Variants in TENM1 observed in about 807,000 individuals in gnomAD.
TENM1 encodes teneurin-1.
In TENM1, 35 loss-of-function variants were observed where a neutral mutation model predicts 174.8. The ratio of observed to expected loss-of-function variants is 0.20; its 90% confidence interval spans 0.15 to 0.27. The LOEUF (loss-of-function observed/expected upper bound fraction) is 0.27, where lower values mean the gene tolerates loss of function less well. TENM1 is among the 10% of genes least tolerant of loss of function. The probability of loss-of-function intolerance (pLI) is 1.00; values close to 1 mark genes in which losing one functional copy is unlikely to be tolerated. For missense variants in TENM1, 1,633 were observed against 2,130.1 expected (o/e 0.77, Z 4.59); for synonymous variants, 781 against 798.7 (o/e 0.98, Z 0.37).
intron 22 of TENM1, among the ~76,000 whole-genome samples, chrX:124,460,351 G>A (rs1238830553): frequency 8.9e-6 from 1 of 111,786 alleles, no homozygotes; most frequent in Non-Finnish European, 1.9e-5. Context: ...CTGATAGACT[G>A]TATAAAGAAA....
intron 11 of TENM1, among the ~76,000 whole-genome samples, chrX:124,597,560 T>C (rs998649097): frequency 2.7e-5 from 3 of 110,517 alleles, no homozygotes; most frequent in African/African-American, 6.6e-5. Flanking sequence ...AGATGGGTGA[T>C]AAAAGACTAC....
At chrX:125,072,090 G>A in the TENM1 span, among the ~76,000 whole-genome samples, 1 of 110,320 alleles carries the variant, frequency 9.1e-6, no homozygotes, top group Non-Finnish European at 1.9e-5. Flanking sequence ...CTAAAATATC[G>A]GGTTTCCTTT....
At chrX:124,594,277 T>C (rs1183092564) in intron 11 of TENM1, among the ~76,000 whole-genome samples, 2 of 111,658 alleles carry the variant, frequency 1.8e-5, no homozygotes, top group Non-Finnish European at 3.8e-5. Context: ...TTCACCTCCC[T>C]GGGATCTGGA....
chrX:124,588,740 T>C (rs987630035), intron 11 of TENM1, among the ~76,000 whole-genome samples: 2 of 112,003 alleles, frequency 1.8e-5, no homozygotes, highest in Non-Finnish European at 3.8e-5. Flanking sequence ...TTTTTGTACA[T>C]TGATCTGTGT....
chrX:124,955,961 G>A (rs182546486), intron 1 of TENM1, among the ~76,000 whole-genome samples: 2 of 111,386 alleles, frequency 1.8e-5, no homozygotes, highest in East Asian at 2.8e-4. Context: ...GTAATATTGG[G>A]CAAGTTACTT....
At chrX:124,956,307 A>G (rs1307096691) in intron 1 of TENM1, among the ~76,000 whole-genome samples, 1 of 112,331 alleles carries the variant, frequency 8.9e-6, no homozygotes, top group Non-Finnish European at 1.9e-5. Flanking sequence ...TCACCTATAA[A>G]CTTCATAGTT....
chrX:124,675,295 A>T, intron 5 of TENM1, among the ~76,000 whole-genome samples: 1 of 111,677 alleles, frequency 9.0e-6, no homozygotes, highest in African/African-American at 3.2e-5. Flanking sequence ...GTACTGGCCA[A>T]CCAAAATGGC....
intron 16 of TENM1, among the ~76,000 whole-genome samples, chrX:124,523,873 A>ATTT (rs745816520): frequency 3.3e-5 from 3 of 90,510 alleles, no homozygotes; most frequent in Non-Finnish European, 4.4e-5. Flanking sequence ...TTGTAAACCA[A>ATTT]TTTTTTTTTT....
chrX:124,449,879 T>C (rs954156889), intron 23 of TENM1, among the ~76,000 whole-genome samples: 1 of 110,889 alleles, frequency 9.0e-6, no homozygotes, highest in Non-Finnish European at 1.9e-5. Flanking sequence ...AACAGGCCAG[T>C]GTTTTATAGA....
chrX:124,734,578 T>C (rs932056414), intron 4 of TENM1, among the ~76,000 whole-genome samples: 1 of 112,281 alleles, frequency 8.9e-6, no homozygotes, highest in Admixed American at 9.4e-5. Flanking sequence ...GTAGCAGAAA[T>C]CACCCTTTAT....
chrX:124,886,730 T>C (rs1368589853), intron 3 of TENM1, among the ~76,000 whole-genome samples: 2 of 84,236 alleles, frequency 2.4e-5, no homozygotes, highest in African/African-American at 1.1e-4. Context: ...TAGTGAAGGT[T>C]TTTTTTTTTT....
the TENM1 span, among the ~76,000 whole-genome samples, chrX:124,986,574 T>C: frequency 9.2e-4 from 103 of 112,377 alleles, no homozygotes; most frequent in Non-Finnish European, 1.2e-3. Context: ...ATGACTTTTC[T>C]ATGGAACAAG....
At chrX:124,929,593 G>A (rs1417326377) in intron 1 of TENM1, among the ~76,000 whole-genome samples, 2 of 111,855 alleles carry the variant, frequency 1.8e-5, no homozygotes. Context: ...CATATTACCT[G>A]GTGCTCCCAG....
At chrX:124,483,911 A>G (rs934704035) in intron 21 of TENM1, among the ~76,000 whole-genome samples, 8 of 111,923 alleles carry the variant, frequency 7.1e-5, no homozygotes, top group Non-Finnish European at 1.3e-4. Context: ...TATTAGCATT[A>G]TTTTTAAAAC....
At chrX:124,510,775 T>TACACACACACACACACACAC (rs755205162) in intron 18 of TENM1, among the ~76,000 whole-genome samples, 4,701 of 103,507 alleles carry the variant, frequency 0.045, 114 homozygotes, top group Middle Eastern at 0.078. Flanking sequence ...CATGGGGAGA[T>TACACACACACACACACACAC]ACACACACAC....
At chrX:124,781,559 A>AT (rs1275145262) in intron 3 of TENM1, among the ~76,000 whole-genome samples, 3 of 111,249 alleles carry the variant, frequency 2.7e-5, no homozygotes, top group East Asian at 2.8e-4. Flanking sequence ...GTAAGCAATC[A>AT]TTTTTTTTGG....
chrX:124,788,991 T>C (rs2055111762), intron 3 of TENM1, among the ~76,000 whole-genome samples: 1 of 112,237 alleles, frequency 8.9e-6, no homozygotes, highest in Admixed American at 9.4e-5. Context: ...TGAGGGCCTC[T>C]CCCCTATAGC....
At chrX:124,422,345 C>T in exon 24 of TENM1, 1 of 1,207,230 alleles carries the variant, frequency 8.3e-7, no homozygotes, top group African/African-American at 1.8e-5. Flanking sequence ...TGTAGATCTC[C>T]CCATTGGTGG....
intron 3 of TENM1, among the ~76,000 whole-genome samples, chrX:124,806,317 T>C (rs912186077): frequency 1.8e-5 from 2 of 112,022 alleles, no homozygotes; most frequent in African/African-American, 6.5e-5. Flanking sequence ...ATGGGATTTA[T>C]GGAACAGCAT....
Sources: allele counts gnomAD v4.1 joint callset (sites outside exome capture counted in the v4.1 genomes callset), GRCh38; gene constraint gnomAD v4.1.1; transcripts MANE v1.5; gene names NCBI Gene and HGNC (gene_info 2026-07-23, HGNC 2026-07-21).